Variants in FHIT observed in about 807,000 individuals in gnomAD.
FHIT encodes the protein bis(5'-adenosyl)-triphosphatase.
FHIT carries 19 observed loss-of-function variants against 17.9 expected under a neutral mutation model. That is an observed-to-expected ratio of 1.06 (90% CI 0.74 to 1.56). FHIT has a LOEUF of 1.56. Ranked by LOEUF, FHIT falls within the 40% of genes most tolerant of loss-of-function variation. The pLI is 0.00. For missense variants in FHIT, 248 were observed against 189.2 expected, an observed-to-expected ratio of 1.31 and a Z score of -1.82; for synonymous variants, 81 against 69.7, an observed-to-expected ratio of 1.16 and a Z score of -0.81.
chr3:60,965,374 G>A (rs906821331), intron 3 of FHIT, among the ~76,000 whole-genome samples: 2 of 152,112 alleles, frequency 1.3e-5, no homozygotes, highest in East Asian at 1.9e-4. Flanking sequence ...CGATGGGTTC[G>A]AACATCCTCC....
At chr3:59,783,881 C>T (rs187416423) in intron 8 of FHIT, among the ~76,000 whole-genome samples, 159 of 152,256 alleles carry the variant, frequency 1.0e-3, no homozygotes, top group African/African-American at 3.8e-3. Flanking sequence ...CTGTAAGGAA[C>T]CACAGGAGAC....
At chr3:59,897,428 A>G (rs1463715123) in intron 8 of FHIT, among the ~76,000 whole-genome samples, 1 of 152,136 alleles carries the variant, frequency 6.6e-6, no homozygotes, top group Non-Finnish European at 1.5e-5. Flanking sequence ...CTTTAATGAT[A>G]ACCATTTATC....
Position 59,747,822 on chromosome 3 carries a change from G to C in FHIT, c.*1763C>G, listed in dbSNP as rs1185705416. Among the ~76,000 whole-genome samples the C allele has an allele frequency of 2.0e-5, 3 of 152,072 alleles. No homozygotes were observed. The highest frequency in any genetic ancestry group is 7.2e-5 in the African/African-American group (3 of 41,430). ...GGGGGAGGTGGGTGGGTGGAAAGGA[G>C]TACTGGTTTAGGGTTGAAGCAAGTC... On this transcript the variant is annotated 3_prime_UTR_variant, in exon 10 of 10. Coordinates refer to ENST00000492590, the MANE Select transcript of FHIT (RefSeq NM_002012.4).
chr3:60,427,558 C>T (rs952324467), intron 5 of FHIT, among the ~76,000 whole-genome samples: 4 of 152,072 alleles, frequency 2.6e-5, no homozygotes, highest in African/African-American at 9.7e-5. Context: ...AGCAATCTCC[C>T]GTACCCTCTG....
At chr3:60,177,702 C>G (rs1701741484) in intron 5 of FHIT, among the ~76,000 whole-genome samples, 1 of 152,196 alleles carries the variant, frequency 6.6e-6, no homozygotes, top group Non-Finnish European at 1.5e-5. Context: ...GCAATGTCAG[C>G]TGAGATATAA....
At chr3:61,084,532 T>A (rs1281185053) in intron 2 of FHIT, among the ~76,000 whole-genome samples, 1 of 152,246 alleles carries the variant, frequency 6.6e-6, no homozygotes. Context: ...CTTTCATATA[T>A]TAGGTCATCT....
chr3:59,931,739 T>A (rs933162732), intron 7 of FHIT, among the ~76,000 whole-genome samples: 1 of 152,162 alleles, frequency 6.6e-6, no homozygotes, highest in South Asian at 2.1e-4. Flanking sequence ...CTGTTGAGTT[T>A]CGTGGCTTAA....
At chr3:60,253,510 G>A (rs1368488442) in intron 5 of FHIT, among the ~76,000 whole-genome samples, 1 of 152,118 alleles carries the variant, frequency 6.6e-6, no homozygotes, top group Non-Finnish European at 1.5e-5. Flanking sequence ...AATTGCAAAT[G>A]GCATGGAAAA....
chr3:60,376,015 G>A (rs937939877), intron 5 of FHIT, among the ~76,000 whole-genome samples: 3 of 152,100 alleles, frequency 2.0e-5, no homozygotes, highest in Non-Finnish European at 2.9e-5. Context: ...GCTACACGTG[G>A]TTAGTGGTTT....
intron 7 of FHIT, among the ~76,000 whole-genome samples, chr3:59,990,779 C>T (rs770548215): frequency 6.6e-6 from 1 of 152,024 alleles, no homozygotes; most frequent in Non-Finnish European, 1.5e-5. Flanking sequence ...TAACAAATGA[C>T]ACTTAAGTGA....
chr3:60,813,479 T>G (rs1188293772), intron 4 of FHIT, among the ~76,000 whole-genome samples: 1 of 152,074 alleles, frequency 6.6e-6, no homozygotes, highest in African/African-American at 2.4e-5. Context: ...TTGAAGAATT[T>G]TGAAGGCATC....
chr3:60,215,978 A>G (rs1703677782), intron 5 of FHIT, among the ~76,000 whole-genome samples: 3 of 152,210 alleles, frequency 2.0e-5, no homozygotes. Flanking sequence ...CACTCCAAGT[A>G]TTTGGCACAT....
chr3:61,231,097 TATC>T (rs1417029747), intron 1 of FHIT, among the ~76,000 whole-genome samples: 1 of 152,220 alleles, frequency 6.6e-6, no homozygotes, highest in African/African-American at 2.4e-5. Flanking sequence ...TACAAAATGT[TATC>T]ATGAAGAGAA....
At chr3:61,110,336 A>G (rs1257326002) in intron 2 of FHIT, among the ~76,000 whole-genome samples, 2 of 152,078 alleles carry the variant, frequency 1.3e-5, no homozygotes, top group African/African-American at 4.8e-5. Context: ...CCAAGGTGCC[A>G]TATGGCTTCT....
At chr3:60,361,812 TA>T (rs1699916688) in intron 5 of FHIT, among the ~76,000 whole-genome samples, 1 of 152,310 alleles carries the variant, frequency 6.6e-6, no homozygotes, top group South Asian at 2.1e-4. Flanking sequence ...AGGGCAATAG[TA>T]AAGGAGGATA....
chr3:60,543,409 A>T (rs974366060), intron 4 of FHIT, among the ~76,000 whole-genome samples: 7 of 152,326 alleles, frequency 4.6e-5, no homozygotes, highest in African/African-American at 1.4e-4. Context: ...GACTGAATTT[A>T]AATTGTAAGA....
At chr3:60,767,159 T>G (rs1453138568) in intron 4 of FHIT, among the ~76,000 whole-genome samples, 1 of 152,196 alleles carries the variant, frequency 6.6e-6, no homozygotes. Context: ...ACAGGCATTT[T>G]AAAGATAAAA....
chr3:60,103,279 T>A (rs890616644), intron 5 of FHIT, among the ~76,000 whole-genome samples: 2 of 152,196 alleles, frequency 1.3e-5, no homozygotes, highest in African/African-American at 4.8e-5. Flanking sequence ...TTAGTTCTTA[T>A]GTGGGCTCTT....
intron 1 of FHIT, among the ~76,000 whole-genome samples, chr3:61,217,449 C>T (rs2039715441): frequency 6.6e-6 from 1 of 152,190 alleles, no homozygotes; most frequent in African/African-American, 2.4e-5. Flanking sequence ...GTGGCCTCTC[C>T]ATGTGGCTTG....
Sources: allele counts gnomAD v4.1 joint callset (sites outside exome capture counted in the v4.1 genomes callset), GRCh38; gene constraint gnomAD v4.1.1; transcripts MANE v1.5; gene names NCBI Gene and HGNC (gene_info 2026-07-23, HGNC 2026-07-21).